The following EPM2A variants were observed in gnomAD, a reference collection of about 807,000 sequenced individuals.
EPM2A encodes the protein laforin.
EPM2A carries 21 observed loss-of-function variants against 26.5 expected under a neutral mutation model. That is an observed-to-expected ratio of 0.79 (90% CI 0.56 to 1.14). EPM2A has a LOEUF of 1.14. Ranked by LOEUF, EPM2A falls within the 50% of genes most tolerant of loss-of-function variation. The probability of loss-of-function intolerance (pLI) is 0.00; values close to 1 mark genes in which losing one functional copy is unlikely to be tolerated. For missense variants in EPM2A, 458 were observed against 440.8 expected (o/e 1.04, Z -0.35); for synonymous variants, 217 against 177.6 (o/e 1.22, Z -1.76).
At chr6:145,424,735 G>A (rs994243870) in intron 4 of EPM2A, among the ~76,000 whole-genome samples, 12 of 152,156 alleles carry the variant, frequency 7.9e-5, no homozygotes, top group Non-Finnish European at 1.3e-4. Context: ...TTATAAAAGA[G>A]ACCCCAGAAA....
rs765820100 is a variant in EPM2A at position 145,627,598 on chromosome 6, G to T, written c.814C>A (p.Arg272Ser). Residue 272 changes from arginine to serine, a missense_variant, in exon 4 of 4, where the codon CGC becomes AGC. Arg to Ser is a moderately radical substitution (Grantham distance 110, BLOSUM62 -1). Transcript: ENST00000367519. The part of the protein sequence containing the change: ...VYVHCNAGVG[R>S]STAAVCGWLQ... The stretch of plus-strand genomic sequence containing the variant: ...CAGCCGCAGACAGCCGCGGTGGAGC[G>T]GCCCACCCCAGCGTTGCAGTGCACG... The T allele has an allele frequency of 1.2e-6, 2 of 1,614,226 alleles. No individual in the cohort carries two copies. The highest frequency in any genetic ancestry group is 3.3e-5 in the Admixed American group (2 of 60,034).
chr6:145,423,178 A>G (rs1453949902), intron 4 of EPM2A, among the ~76,000 whole-genome samples: 1 of 152,076 alleles, frequency 6.6e-6, no homozygotes, highest in African/African-American at 2.4e-5. Context: ...TATTCAATAG[A>G]GCATCATTTT....
chr6:145,475,537 C>T (rs1485911468), intron 4 of EPM2A, among the ~76,000 whole-genome samples: 3 of 151,800 alleles, frequency 2.0e-5, no homozygotes, highest in African/African-American at 7.3e-5. Flanking sequence ...CGGTGCAGCA[C>T]ACCACCATGG....
In EPM2A at chr6:145,735,428, C is replaced by G; in HGVS notation, c.71G>C (p.Gly24Ala). The change falls in exon 1 of 4, where the codon GGG becomes GCG. Residue 24 changes from glycine to alanine, a missense_variant. Transcript: ENST00000367519. ...CCAACGCCCCAGCTCGGGCCGCGAC[C>G]CCACCACCAGCAGCTCCGGCCGGGC... ...AGARPELLVV[G>A]SRPELGRWEP... 1 of 1,258,276 alleles carries G rather than the reference C, an allele frequency of 7.9e-7. No individual in the cohort carries two copies. Among genetic ancestry groups the G allele is most frequent in the Non-Finnish European group, 1.0e-6 (1 of 995,108 alleles). The allele number at this position is 1,258,276 out of a possible 1,614,324, so 77.9% of individuals were successfully genotyped here. A position where few individuals can be genotyped will look rare whatever the true frequency, so the allele number is the denominator to read the frequency against.
chr6:145,459,313 A>G (rs1779299980), intron 4 of EPM2A, among the ~76,000 whole-genome samples: 1 of 152,222 alleles, frequency 6.6e-6, no homozygotes, highest in Admixed American at 6.5e-5. Context: ...AAAAATCTGG[A>G]TAAGGTGGGA....
intron 4 of EPM2A, among the ~76,000 whole-genome samples, chr6:145,413,947 C>G (rs1202981349): frequency 6.6e-6 from 1 of 152,174 alleles, no homozygotes; most frequent in East Asian, 1.9e-4. Context: ...CCCTCTCCTT[C>G]TCTAGATTGT....
intron 1 of EPM2A, among the ~76,000 whole-genome samples, chr6:145,717,776 G>A (rs1223174466): frequency 6.7e-6 from 1 of 150,084 alleles, no homozygotes; most frequent in Non-Finnish European, 1.5e-5. Context: ...AAAGTCTCAG[G>A]ATACAAAATC....
intron 2 of EPM2A, among the ~76,000 whole-genome samples, chr6:145,518,605 A>C (rs1481832650): frequency 1.3e-5 from 2 of 149,934 alleles, no homozygotes; most frequent in Non-Finnish European, 3.0e-5. Flanking sequence ...CAAAAAAAAA[A>C]AAAAAAAAAA....
chr6:145,716,501 T>G (rs997655709), intron 1 of EPM2A, among the ~76,000 whole-genome samples: 2 of 152,158 alleles, frequency 1.3e-5, no homozygotes, highest in African/African-American at 4.8e-5. Context: ...CAGTAGAGAC[T>G]GCTCGAGGTA....
Position 145,626,075 on chromosome 6 carries a change from T to A in EPM2A, c.*1341A>T. 1.8e-6 allele frequency: 2 copies of A among 1,134,922 alleles called. No individual in the cohort carries two copies. Among genetic ancestry groups the A allele is most frequent in the Non-Finnish European group, 2.2e-6 (2 of 915,962 alleles). The allele number at this position is 1,134,922 out of a possible 1,614,324, so 70.3% of individuals were successfully genotyped here. On this transcript the variant is annotated 3_prime_UTR_variant, in exon 4 of 4. Transcript: ENST00000367519. ...CTTCTTCATTGGATATTGTGAAGAT[T>A]AAACTGGATATGATTATATATCACC... is the stretch of plus-strand genomic sequence containing the variant.
chr6:145,555,866 A>G (rs1365831441), intron 2 of EPM2A, among the ~76,000 whole-genome samples: 3 of 152,122 alleles, frequency 2.0e-5, no homozygotes, highest in Non-Finnish European at 4.4e-5. Context: ...TTTTTCCATA[A>G]GTAGTTCCCT....
At chr6:145,529,210 T>A (rs1348410373) in intron 2 of EPM2A, among the ~76,000 whole-genome samples, 1 of 152,204 alleles carries the variant, frequency 6.6e-6, no homozygotes, top group East Asian at 1.9e-4. Context: ...TAGAATATTT[T>A]ATAAATTTAG....
At chr6:145,624,271 A>T (rs1562407178), downstream of EPM2A, among the ~76,000 whole-genome samples, 1 of 152,062 alleles carries the variant, frequency 6.6e-6, no homozygotes, top group Non-Finnish European at 1.5e-5. Context: ...CATAACCTTG[A>T]ATCTCCCCCT....
At chr6:145,563,793 A>G (rs1780842813) in intron 2 of EPM2A, among the ~76,000 whole-genome samples, 1 of 152,168 alleles carries the variant, frequency 6.6e-6, no homozygotes, top group Non-Finnish European at 1.5e-5. Flanking sequence ...CACCCTCACC[A>G]TAGTGACCAC....
chr6:145,599,761 C>T (rs575924164), intron 2 of EPM2A, among the ~76,000 whole-genome samples: 113 of 152,046 alleles, frequency 7.4e-4, no homozygotes, highest in Non-Finnish European at 1.1e-3. Context: ...TGGATTTTAT[C>T]TAGGACAATT....
chr6:145,735,238 C>A lies in EPM2A; in HGVS notation c.261G>T (p.Lys87Asn). Residue 87 changes from lysine to asparagine, a missense_variant, in exon 1 of 4, where the codon AAG (lysine) becomes AAT (asparagine). By Grantham distance (94) the Lys-to-Asn change is moderately conservative. Coordinates refer to ENST00000367519, the MANE Select transcript of EPM2A (RefSeq NM_005670.4). ...CTCCTCCCGGCTCCCGCTTCAGGAA[C>A]TTGTACCAGAACGTGTCCACGCGGC... ...EPGRVDTFWY[K>N]FLKREPGGEL... The A allele has an allele frequency of 6.5e-7, 1 of 1,540,926 alleles. No individual in the cohort carries two copies. Among genetic ancestry groups the A allele is most frequent in the Non-Finnish European group, 8.7e-7 (1 of 1,143,074 alleles).
chr6:145,506,609 G>A (rs1349980285), intron 2 of EPM2A, among the ~76,000 whole-genome samples: 1 of 151,912 alleles, frequency 6.6e-6, no homozygotes, highest in Admixed American at 6.6e-5. Context: ...GTAAAAAAGA[G>A]TTTCCAAATT....
intron 2 of EPM2A, among the ~76,000 whole-genome samples, chr6:145,602,782 G>A (rs1248860223): frequency 3.9e-5 from 6 of 152,150 alleles, no homozygotes; most frequent in Admixed American, 2.0e-4. Flanking sequence ...AAAGTGTTAC[G>A]GAGGGGAAAC....
intron 2 of EPM2A, among the ~76,000 whole-genome samples, chr6:145,587,321 A>G (rs979212386): frequency 6.6e-5 from 10 of 152,192 alleles, no homozygotes; most frequent in Admixed American, 5.2e-4. Context: ...ATTTTATTCA[A>G]TAAAGAACTC....
Sources: allele counts gnomAD v4.1 joint callset (sites outside exome capture counted in the v4.1 genomes callset), GRCh38; gene constraint gnomAD v4.1.1; transcripts MANE v1.5; gene names NCBI Gene and HGNC (gene_info 2026-07-23, HGNC 2026-07-21).